Variants in NIBAN1 observed in about 807,000 individuals in gnomAD.
NIBAN1 encodes the protein protein Niban 1.
A neutral mutation model predicts 75.1 loss-of-function variants in NIBAN1; 81 were observed. The ratio of observed to expected loss-of-function variants is 1.08; its 90% CI spans 0.90 to 1.30. NIBAN1 has a LOEUF of 1.30. Among genes scored for constraint, NIBAN1 ranks in the 50% most tolerant of loss-of-function variants. The probability of loss-of-function intolerance (pLI) is 0.00; values close to 1 mark genes in which losing one functional copy is unlikely to be tolerated. For synonymous variants in NIBAN1, 436 were observed against 424.8 expected (o/e 1.03, Z -0.32); for missense variants, 1,133 against 1,128.1 (o/e 1.00, Z -0.06).
At chr1:184,841,272 C>A (rs901184730) in intron 5 of NIBAN1, among the ~76,000 whole-genome samples, 18 of 152,016 alleles carry the variant, frequency 1.2e-4, no homozygotes, top group Non-Finnish European at 1.8e-4. Flanking sequence ...AGAAAAAAAA[C>A]CCCAAACCCT....
At chr1:184,911,761 T>TGA (rs1193903067) in intron 1 of NIBAN1, among the ~76,000 whole-genome samples, 1 of 152,182 alleles carries the variant, frequency 6.6e-6, no homozygotes, top group African/African-American at 2.4e-5. Context: ...AGCCAAGAGA[T>TGA]GAGATACATT....
In NIBAN1 at chr1:184,860,706, T is replaced by C. The variant is rs532180954; in HGVS notation, c.601+23927A>G. On this transcript the variant is annotated intron_variant, in intron 5 of 13. Coordinates refer to ENST00000367511, the MANE Select transcript of NIBAN1 (RefSeq NM_052966.4). ...TGAGAAAATTGAAGAGTAATGAGAGTGAGTAACACAGATCCTAAGTGGTGG... is the reference window on the plus strand; with the variant it reads ...TGAGAAAATTGAAGAGTAATGAGAGCGAGTAACACAGATCCTAAGTGGTGG... 2.6e-5 allele frequency among the ~76,000 whole-genome samples: 4 copies of C among 152,190 alleles called. No homozygotes were observed. The East Asian group carries it at 7.7e-4, about 29-fold the overall frequency.
intron 1 of NIBAN1, among the ~76,000 whole-genome samples, chr1:184,923,414 T>C (rs1318103737): frequency 1.3e-5 from 2 of 152,188 alleles, no homozygotes; most frequent in African/African-American, 2.4e-5. Context: ...TTCTGTTCCA[T>C]TGGTGTATGT....
chr1:184,917,609 G>T (rs1230343503), intron 1 of NIBAN1, among the ~76,000 whole-genome samples: 1 of 151,856 alleles, frequency 6.6e-6, no homozygotes, highest in African/African-American at 2.4e-5. Flanking sequence ...TTAAGCAAAT[G>T]GAGATATAAT....
At position 184,974,433 on chromosome 1, in the gene NIBAN1, G is replaced by C. The variant is rs551342577; in HGVS notation, c.-77C>G. On this transcript the variant is annotated 5_prime_UTR_variant, in exon 1 of 14. Coordinates refer to ENST00000367511, the MANE Select transcript of NIBAN1 (RefSeq NM_052966.4). ...GCTAGCTCCTGGAGGTTGATCCGAC[G>C]GCGAACCCGGCTCTGAAATTAAGAG... 4 of 1,486,302 alleles carry C rather than the reference G, an allele frequency of 2.7e-6. No homozygotes were observed. The highest frequency in any genetic ancestry group is 4.3e-5 in the Admixed American group (2 of 46,018). The allele number at this position is 1,486,302 out of a possible 1,614,324, so 92.1% of individuals were successfully genotyped here.
rs139773293 is a variant in NIBAN1 at position 184,902,718 on chromosome 1, A to C, written c.56-3409T>G. ...GTTCAGCATAGAAGACCCTCAGTGC[A>C]TTCCTGAATTAAAACCAACTAAATA... On this transcript the variant is annotated intron_variant, in intron 1 of 13. Transcript: ENST00000367511. Among the ~76,000 whole-genome samples, 28 of 152,312 alleles carry C rather than the reference A, an allele frequency of 1.8e-4. No individual in the cohort carries two copies. In the East Asian group the frequency reaches 4.1e-3, roughly 22 times the overall value.
intron 8 of NIBAN1, among the ~76,000 whole-genome samples, chr1:184,822,474 G>T (rs1654730032): frequency 6.6e-6 from 1 of 152,196 alleles, no homozygotes; most frequent in Non-Finnish European, 1.5e-5. Flanking sequence ...CTGGCTGTGT[G>T]CCAAGAAAAC....
At chr1:184,946,205 G>A (rs984865685) in intron 1 of NIBAN1, among the ~76,000 whole-genome samples, 1 of 152,188 alleles carries the variant, frequency 6.6e-6, no homozygotes, top group African/African-American at 2.4e-5. Context: ...GAATAACAAA[G>A]TGAAAGGAGA....
chr1:184,843,177 C>T (rs1655340953), intron 5 of NIBAN1, among the ~76,000 whole-genome samples: 1 of 152,200 alleles, frequency 6.6e-6, no homozygotes, highest in African/African-American at 2.4e-5. Context: ...AGAACTCTAC[C>T]CATGGTGGAA....
At chr1:184,900,079 G>A (rs1051446529) in intron 1 of NIBAN1, among the ~76,000 whole-genome samples, 2 of 152,068 alleles carry the variant, frequency 1.3e-5, no homozygotes, top group African/African-American at 4.8e-5. Flanking sequence ...GCCTCCCAAA[G>A]TGCTGGGATT....
chr1:184,843,330 G>C (rs531462216), intron 5 of NIBAN1, among the ~76,000 whole-genome samples: 2 of 152,110 alleles, frequency 1.3e-5, no homozygotes, highest in African/African-American at 4.8e-5. Context: ...TCTTTCCCTA[G>C]CATGAATGAT....
At chr1:184,910,385 C>T (rs1331671885) in intron 1 of NIBAN1, among the ~76,000 whole-genome samples, 3 of 152,106 alleles carry the variant, frequency 2.0e-5, no homozygotes, top group African/African-American at 4.8e-5. Context: ...GGATCACAAT[C>T]GTCCTTTCCA....
intron 9 of NIBAN1, among the ~76,000 whole-genome samples, chr1:184,812,656 T>A (rs1346996484): frequency 6.6e-6 from 1 of 152,242 alleles, no homozygotes; most frequent in Admixed American, 6.5e-5. Flanking sequence ...TTAGAGTTTA[T>A]GTCATAGTTA....
Position 184,794,650 on chromosome 1 carries a change from A to T in NIBAN1, c.*327T>A. 1 of 428,500 alleles carries T rather than the reference A, an allele frequency of 2.3e-6. No homozygotes were observed. Among genetic ancestry groups the T allele is most frequent in the Non-Finnish European group, 4.3e-6 (1 of 230,816 alleles). The allele number at this position is 428,500 out of a possible 1,614,324, so 26.5% of individuals were successfully genotyped here. A position where few individuals can be genotyped will look rare whatever the true frequency, so the allele number is the denominator to read the frequency against. On this transcript the variant is annotated 3_prime_UTR_variant, in exon 14 of 14. Transcript: ENST00000367511. ...TGCACAATTGAAAAGTGCAGAGTAT[A>T]CTCAAAACTGTCATCCTACTGTTTT...
chr1:184,832,098 T>A, intron 5 of NIBAN1, 136 bp from the exon 6 acceptor site: 1 of 656,626 alleles, frequency 1.5e-6, no homozygotes, highest in Non-Finnish European at 2.7e-6. Context: ...CAGAGAAAGT[T>A]AAGCAAGTAC....
intron 5 of NIBAN1, among the ~76,000 whole-genome samples, chr1:184,857,373 C>T (rs747181274): frequency 3.3e-5 from 5 of 152,188 alleles, no homozygotes; most frequent in Non-Finnish European, 5.9e-5. Flanking sequence ...CACACTACAA[C>T]ATTTAATCTA....
chr1:184,954,931 G>A (rs561095178), intron 1 of NIBAN1, among the ~76,000 whole-genome samples: 3 of 152,196 alleles, frequency 2.0e-5, no homozygotes, highest in South Asian at 2.1e-4. Context: ...ATCTTTATTC[G>A]AGAACAGCTG....
intron 1 of NIBAN1, among the ~76,000 whole-genome samples, chr1:184,927,164 T>C (rs1279170586): frequency 6.6e-6 from 1 of 152,192 alleles, no homozygotes. Flanking sequence ...GTCCCTGGTG[T>C]CTTACTTAGC....
intron 8 of NIBAN1, 122 bp downstream of exon 8, chr1:184,823,045 G>T: frequency 8.4e-7 from 1 of 1,189,028 alleles, no homozygotes; most frequent in Non-Finnish European, 1.2e-6. Context: ...TTGCAGCTGT[G>T]ATCACCTCCT....
Sources: allele counts gnomAD v4.1 joint callset (sites outside exome capture counted in the v4.1 genomes callset), GRCh38; gene constraint gnomAD v4.1.1; transcripts MANE v1.5; gene names NCBI Gene and HGNC (gene_info 2026-07-23, HGNC 2026-07-21).